PTK7: variants seen among roughly 807,000 people sequenced by gnomAD.
PTK7 encodes the protein inactive tyrosine-protein kinase 7.
Under a neutral mutation model 116.6 loss-of-function variants are expected in PTK7, and 39 were observed. That is an observed-to-expected ratio of 0.33 (90% CI 0.26 to 0.44). The LOEUF (loss-of-function observed/expected upper bound fraction) is 0.44. Among genes scored for constraint, PTK7 ranks in the 20% least tolerant of loss-of-function variants. PTK7 has a pLI of 1.00. For missense variants in PTK7, 1,169 were observed against 1,425.6 expected (o/e 0.82, Z 2.90); for synonymous variants, 546 against 563.6 (o/e 0.97, Z 0.44).
At position 43,129,003 on chromosome 6, in the gene PTK7, A is replaced by C. The variant is rs1165841917; in HGVS notation, c.106A>C (p.Lys36Gln). The C allele has an allele frequency of 6.2e-7, 1 of 1,611,610 alleles. No homozygotes were observed. Among genetic ancestry groups the C allele is most frequent in the Non-Finnish European group, 8.5e-7 (1 of 1,178,328 alleles). ...TACCCAGACAGCCATTGTCTTCATC[A>C]AGCAGCCGTCCTCCCAGGATGCACT... is the stretch of plus-strand genomic sequence containing the variant. ...GGTQTAIVFI[K>Q]QPSSQDALQG... The change falls in exon 2 of 20, where the codon AAG becomes CAG. Residue 36 changes from lysine (K) to glutamine (Q), a missense_variant. Coordinates refer to ENST00000230419, the MANE Select transcript of PTK7 (RefSeq NM_002821.5). The surrounding 1 kb of genome is among the most constrained non-coding windows in gnomAD (Gnocchi z 4.5).
Position 43,102,293 on chromosome 6 carries a change from C to T in PTK7, c.79+25726C>T, listed in dbSNP as rs146006778. ...CCCAAAAATTAGCTGGGCATGGTGG[C>T]GGGCGCCTGTAGTCCCAGCTACTTG... On this transcript the variant is annotated intron_variant, in intron 1 of 19. Coordinates refer to ENST00000230419, the MANE Select transcript of PTK7 (RefSeq NM_002821.5). Among the ~76,000 whole-genome samples the T allele has an allele frequency of 3.4e-3, 522 of 152,206 alleles. 4 individuals carry two copies. The highest frequency in any genetic ancestry group is 0.011 in the African/African-American group (471 of 41,526).
chr6:43,078,128 A>G (rs1024342500), intron 1 of PTK7, among the ~76,000 whole-genome samples: 2 of 152,228 alleles, frequency 1.3e-5, no homozygotes, highest in Admixed American at 1.3e-4. Context: ...TCAGGGTACT[A>G]GAGTCAAGGG....
rs547293310 is a variant in PTK7 at position 43,139,554 on chromosome 6, G to A, written c.1618+29G>A. ...GGTACAGTGCCGGCATAGGGTAGGG[G>A]CAGGCAGGCAGTTCACTGATCAGAT... is the stretch of plus-strand genomic sequence containing the variant. On this transcript the variant is annotated intron_variant, in intron 10 of 19. Coordinates refer to ENST00000230419, the MANE Select transcript of PTK7 (RefSeq NM_002821.5). The surrounding 1 kb of genome is among the most constrained non-coding windows in gnomAD (Gnocchi z 4.6). The A allele has an allele frequency of 6.2e-7, 1 of 1,612,420 alleles. No individual in the cohort carries two copies. The highest frequency in any genetic ancestry group is 8.5e-7 in the Non-Finnish European group (1 of 1,179,560).
chr6:43,130,063 C>T (rs1769561124), intron 3 of PTK7, among the ~76,000 whole-genome samples, 167 bp from the exon 4 acceptor site: 1 of 152,110 alleles, frequency 6.6e-6, no homozygotes, highest in Non-Finnish European at 1.5e-5. Context: ...CTTGATTCTG[C>T]CCCTGAATCA....
In PTK7 at chr6:43,079,120, G is replaced by A. The variant is rs973116112; in HGVS notation, c.79+2553G>A. ...GCTCAAGCAATGGAGATAAAGTATG[G>A]TCCTTCCTTGGCATCTGCAGGGAAT... On this transcript the variant is annotated intron_variant, in intron 1 of 19. Coordinates refer to ENST00000230419, the MANE Select transcript of PTK7 (RefSeq NM_002821.5). Among the ~76,000 whole-genome samples the A allele has an allele frequency of 2.7e-4, 41 of 152,160 alleles. 2 individuals are homozygous for A. The highest frequency in any genetic ancestry group is 2.6e-3 in the Admixed American group (40 of 15,274).
At chr6:43,132,235 C>T (rs1769731214) in intron 6 of PTK7, 71 bp downstream of exon 6, 2 of 1,536,860 alleles carry the variant, frequency 1.3e-6, no homozygotes, top group Non-Finnish European at 8.8e-7. Context: ...GAGATTTAGG[C>T]TTCTGTTTTT....
At chr6:43,085,802 G>A (rs185618459) in intron 1 of PTK7, among the ~76,000 whole-genome samples, 2 of 151,722 alleles carry the variant, frequency 1.3e-5, no homozygotes, top group South Asian at 2.1e-4. Context: ...GTGTGGTGGC[G>A]CATGCCCGTA....
chr6:43,102,983 C>T (rs377103506), intron 1 of PTK7, among the ~76,000 whole-genome samples: 3 of 152,014 alleles, frequency 2.0e-5, no homozygotes, highest in South Asian at 2.1e-4. Context: ...ATGTTTTTTG[C>T]AGAGGTACCT....
At chr6:43,156,228 CAAAAAAAAAAAAAAAAAAAA>C (rs5875828) in intron 17 of PTK7, among the ~76,000 whole-genome samples, 1 of 47,278 alleles carries the variant, frequency 2.1e-5, no homozygotes, top group Non-Finnish European at 3.7e-5. Flanking sequence ...TACCCTGTCT[CAAAAAAAAAAAAAAAAAAAA>C]AAAAAAGAAT....
At chr6:43,131,760 TCG>T in intron 5 of PTK7, 2 of 535,126 alleles carry the variant, frequency 3.7e-6, no homozygotes, top group African/African-American at 1.9e-5. Flanking sequence ...TCACTCTCTC[TCG>T]CACCTGCATT....
At chr6:43,160,015 G>A (rs1339642027) in intron 19 of PTK7, 49 bp downstream of exon 19, 1 of 1,569,216 alleles carries the variant, frequency 6.4e-7, no homozygotes. Flanking sequence ...CCCCAGATGG[G>A]GCCTACTCAG....
chr6:43,096,039 A>G (rs1767233048), intron 1 of PTK7, among the ~76,000 whole-genome samples: 1 of 152,150 alleles, frequency 6.6e-6, no homozygotes, highest in South Asian at 2.1e-4. Flanking sequence ...CTCCGATTCC[A>G]TATTTGTATC....
At position 43,076,693 on chromosome 6, in the gene PTK7, G is replaced by C. The variant is rs1002507341; in HGVS notation, c.79+126G>C. 25 of 1,390,650 alleles carry C rather than the reference G, an allele frequency of 1.8e-5. No homozygotes were observed. Among genetic ancestry groups the C allele is most frequent in the African/African-American group, 3.0e-5 (2 of 66,932 alleles). The allele number at this position is 1,390,650 out of a possible 1,614,324, so 86.1% of individuals were successfully genotyped here. A position where few individuals can be genotyped will look rare whatever the true frequency, so the allele number is the denominator to read the frequency against. On this transcript the variant is annotated intron_variant, in intron 1 of 19. Transcript: ENST00000230419. This position sits in a 1 kb window ranked among gnomAD's most constrained non-coding sequence, Gnocchi z 5.7. ...CCTGGAGTAGTGGAGAGGCTCGCTG[G>C]GGGTGCAGGCTTGCGGCGGAAGGGC...
chr6:43,121,219 A>G (rs372843291), intron 1 of PTK7, among the ~76,000 whole-genome samples: 3 of 151,998 alleles, frequency 2.0e-5, no homozygotes, highest in African/African-American at 7.2e-5. Context: ...GTGATGCCGG[A>G]CCCAAGGCCT....
At chr6:43,078,089 C>T (rs1766159260) in intron 1 of PTK7, among the ~76,000 whole-genome samples, 1 of 152,204 alleles carries the variant, frequency 6.6e-6, no homozygotes, top group South Asian at 2.1e-4. Flanking sequence ...TGTGGGTCTG[C>T]CCAATGAGGC....
intron 1 of PTK7, among the ~76,000 whole-genome samples, chr6:43,090,170 G>A (rs1582066923): frequency 3.3e-5 from 5 of 152,360 alleles, no homozygotes; most frequent in Admixed American, 3.3e-4. Flanking sequence ...AAAGGGGTAG[G>A]AGAGCGTGGG....
rs151242533 is a variant in PTK7, at chr6:43,129,011, G to A, written c.114G>A (p.Pro38=). 2.5e-5 allele frequency: 40 copies of A among 1,612,448 alleles called. No individual in the cohort carries two copies. The highest frequency in any genetic ancestry group is 2.5e-4 in the East Asian group (11 of 44,836). Residue 38 remains proline, a synonymous_variant, in exon 2 of 20, where the codon CCG becomes CCA. Coordinates refer to ENST00000230419, the MANE Select transcript of PTK7 (RefSeq NM_002821.5). This position sits in a 1 kb window ranked among gnomAD's most constrained non-coding sequence, Gnocchi z 4.5. The part of the protein sequence containing the change: ...TQTAIVFIKQ[P]SSQDALQGRR... Reference sequence around the variant, plus strand: ...CAGCCATTGTCTTCATCAAGCAGCCGTCCTCCCAGGATGCACTGCAGGGGC... The same window carrying A: ...CAGCCATTGTCTTCATCAAGCAGCCATCCTCCCAGGATGCACTGCAGGGGC...
chr6:43,124,339 T>G (rs554101487), intron 1 of PTK7, among the ~76,000 whole-genome samples: 1 of 152,236 alleles, frequency 6.6e-6, no homozygotes, highest in African/African-American at 2.4e-5. Flanking sequence ...AGCTCCTTTC[T>G]TGGAGTCTGA....
At chr6:43,087,963 G>T (rs1004798755) in intron 1 of PTK7, among the ~76,000 whole-genome samples, 3 of 152,164 alleles carry the variant, frequency 2.0e-5, no homozygotes, top group African/African-American at 7.2e-5. Flanking sequence ...AAGAAACTGA[G>T]GCACAAAAGT....
Sources: allele counts gnomAD v4.1 joint callset (sites outside exome capture counted in the v4.1 genomes callset), GRCh38; gene constraint gnomAD v4.1.1; non-coding constraint Gnocchi (gnomAD v3.1); transcripts MANE v1.5; gene names NCBI Gene and HGNC (gene_info 2026-07-23, HGNC 2026-07-21).